The following OR52E6 variants were observed in gnomAD, a reference collection of about 807,000 sequenced individuals.
OR52E6 encodes the protein olfactory receptor 52E6.
For synonymous variants in OR52E6, 173 were observed against 137.3 expected (o/e 1.26, Z -1.82); for missense variants, 419 against 381.5 (o/e 1.10, Z -0.82).
chr11:5,841,050 AC>A lies in OR52E6; in HGVS notation c.847del (p.Val283LeufsTer9). On this transcript the variant is annotated frameshift_variant, in exon 1 of 1. Transcript: ENST00000329322. LOFTEE classifies it low-confidence loss of function (END_TRUNC). The part of the protein sequence containing the change: ...IHIFLANLYV[V>X]VPPTLNPVIY... ...TACAGGATTGAGGGTGGGAGGAACA[AC>A]CACATATAGATTAGCCAAGAAAATG... 3 of 1,613,850 alleles carry A rather than the reference AC, an allele frequency of 1.9e-6. No individual in the cohort carries two copies. The highest frequency in any genetic ancestry group is 2.5e-6 in the Non-Finnish European group (3 of 1,179,844).
rs1846609290 is a variant in OR52E6 at position 5,841,367 on chromosome 11, A to G, written c.531T>C (p.Pro177=). The change falls in exon 1 of 1, where the codon CCT becomes CCC. Residue 177 remains proline, a synonymous_variant. Transcript: ENST00000329322. Reference sequence around the variant, plus strand: ...TGCCCATGTGCTCACAGTAAGTATGAGGGATGATACGATGTCCACAGAAGG... The same window carrying G: ...TGCCCATGTGCTCACAGTAAGTATGGGGGATGATACGATGTCCACAGAAGG... The part of the protein sequence containing the change: ...RLPFCGHRII[P]HTYCEHMGIA... The G allele has an allele frequency of 1.2e-6, 2 of 1,614,176 alleles. No individual in the cohort carries two copies.
Position 5,841,701 on chromosome 11 carries a change from G to C in OR52E6, c.197C>G (p.Ala66Gly). ...SLHEPMYYCL[A>G]MLDSIDLSLS... Reference sequence around the variant, plus strand: ...GCTCAGGTCAATGGAATCCAACATGGCCAGGCAGTAGTACATGGGCTCATG... The same window carrying C: ...GCTCAGGTCAATGGAATCCAACATGCCCAGGCAGTAGTACATGGGCTCATG... Residue 66 changes from alanine (A) to glycine (G), a missense_variant, in exon 1 of 1, where the codon GCC becomes GGC. Transcript: ENST00000329322. The C allele has an allele frequency of 6.2e-7, 1 of 1,613,568 alleles. No homozygotes were observed.
At position 5,841,289 on chromosome 11, in the gene OR52E6, G is replaced by T. The variant is rs1330064197; in HGVS notation, c.609C>A (p.Gly203=). The T allele has an allele frequency of 6.2e-7, 1 of 1,614,100 alleles. No individual in the cohort carries two copies. Among genetic ancestry groups the T allele is most frequent in the Admixed American group, 1.7e-5 (1 of 59,982 alleles). ...SIKVNIMFGL[G]SISLLLLDVL... ...CATCCAATAACAAGAGAGAAATACT[G>T]CCAAGACCAAACATAATGTTGACTT... Residue 203 remains glycine, a synonymous_variant, in exon 1 of 1, where the codon GGC becomes GGA. Transcript: ENST00000329322.
Position 5,841,403 on chromosome 11 carries a change from G to A in OR52E6, c.495C>T (p.Leu165=), listed in dbSNP as rs370635171. Residue 165 remains leucine (L), a synonymous_variant, in exon 1 of 1, where the codon CTC becomes CTT. Coordinates refer to ENST00000329322, the MANE Select transcript of OR52E6 (RefSeq NM_001005167.2). ...LYMVIPLVFL[L]LRLPFCGHRI... ...GATGTCCACAGAAGGGCAACCTTAA[G>A]AGGAGAAACACCAGTGGAATGACCA... is the stretch of plus-strand genomic sequence containing the variant. The A allele has an allele frequency of 9.9e-6, 16 of 1,614,080 alleles. No individual in the cohort carries two copies. The highest frequency in any genetic ancestry group is 1.6e-4 in the Middle Eastern group (1 of 6,082).
At position 5,841,343 on chromosome 11, in the gene OR52E6, G is replaced by T; in HGVS notation, c.555C>A (p.Gly185=). The change falls in exon 1 of 1, where the codon GGC becomes GGA. Residue 185 remains glycine, a synonymous_variant. Coordinates refer to ENST00000329322, the MANE Select transcript of OR52E6 (RefSeq NM_001005167.2). The part of the protein sequence containing the change: ...IIPHTYCEHM[G]IARLACASIK... The stretch of plus-strand genomic sequence containing the variant: ...TGCTGGCACAGGCCAGACGGGCAAT[G>T]CCCATGTGCTCACAGTAAGTATGAG... 1 of 1,614,142 alleles carries T rather than the reference G, an allele frequency of 6.2e-7. No homozygotes were observed. Among genetic ancestry groups the T allele is most frequent in the Non-Finnish European group, 8.5e-7 (1 of 1,180,008 alleles).
Position 5,841,363 on chromosome 11 carries a change from T to G in OR52E6, c.535A>C (p.Thr179Pro), listed in dbSNP as rs1169029508. ...GCAATGCCCATGTGCTCACAGTAAG[T>G]ATGAGGGATGATACGATGTCCACAG... is the stretch of plus-strand genomic sequence containing the variant. ...PFCGHRIIPHTYCEHMGIARL... is the reference protein window; with the variant it reads ...PFCGHRIIPHPYCEHMGIARL... Residue 179 changes from threonine to proline, a missense_variant, in exon 1 of 1, where the codon ACT (threonine) becomes CCT (proline). Coordinates refer to ENST00000329322, the MANE Select transcript of OR52E6 (RefSeq NM_001005167.2). 3.7e-6 allele frequency: 6 copies of G among 1,613,856 alleles called. No homozygotes were observed. Among genetic ancestry groups the G allele is most frequent in the Non-Finnish European group, 5.1e-6 (6 of 1,179,992 alleles).
rs1444342084 is a variant in OR52E6, at chr11:5,841,721, C to T, written c.177G>A (p.Glu59=). Residue 59 remains glutamate (E), a synonymous_variant, in exon 1 of 1, where the codon GAG becomes GAA. Coordinates refer to ENST00000329322, the MANE Select transcript of OR52E6 (RefSeq NM_001005167.2). ...FVIQTEQSLH[E]PMYYCLAMLD... is the part of the protein sequence containing the mutation. The stretch of plus-strand genomic sequence containing the variant: ...ACATGGCCAGGCAGTAGTACATGGG[C>T]TCATGGAGACTCTGCTCAGTTTGGA... 1 of 1,613,572 alleles carries T rather than the reference C, an allele frequency of 6.2e-7. No individual in the cohort carries two copies. Among genetic ancestry groups the T allele is most frequent in the African/African-American group, 1.3e-5 (1 of 74,922 alleles).
chr11:5,841,064 A>G lies in OR52E6; in HGVS notation c.834T>C (p.Ala278=). ...DIPQYIHIFL[A]NLYVVVPPTL... ...TGGGAGGAACAACCACATATAGATT[A>G]GCCAAGAAAATGTGGATATATTGGG... Residue 278 remains alanine (A), a synonymous_variant, in exon 1 of 1, where the codon GCT becomes GCC. Coordinates refer to ENST00000329322, the MANE Select transcript of OR52E6 (RefSeq NM_001005167.2). The G allele has an allele frequency of 6.2e-7, 1 of 1,613,880 alleles. No homozygotes were observed. Among genetic ancestry groups the G allele is most frequent in the South Asian group, 1.1e-5 (1 of 91,050 alleles).
At position 5,841,666 on chromosome 11, in the gene OR52E6, C is replaced by T; in HGVS notation, c.232G>A (p.Ala78Thr). Reference sequence around the variant, plus strand: ...ATGCCCAGCATTTTGGGAATGGTGGCCGTAGACAAGCTCAGGTCAATGGAA... The same window carrying T: ...ATGCCCAGCATTTTGGGAATGGTGGTCGTAGACAAGCTCAGGTCAATGGAA... ...LDSIDLSLST[A>T]TIPKMLGIFW... Residue 78 changes from alanine (A) to threonine (T), a missense_variant, in exon 1 of 1, where the codon GCC becomes ACC. Coordinates refer to ENST00000329322, the MANE Select transcript of OR52E6 (RefSeq NM_001005167.2). 4.3e-6 allele frequency: 7 copies of T among 1,613,868 alleles called. No homozygotes were observed. Among genetic ancestry groups the T allele is most frequent in the Non-Finnish European group, 5.1e-6 (6 of 1,179,856 alleles).
rs1417613265 is a variant in OR52E6 at position 5,841,865 on chromosome 11, A to C, written c.33T>G (p.Thr11=). MPIANDTQFH[T]SSFLLLGIPG... ...GGATACCCAGCAGTAGGAATGAAGAAGTATGGAACTGGGTGTCGTTAGCTA... is the reference window on the plus strand; with the variant it reads ...GGATACCCAGCAGTAGGAATGAAGACGTATGGAACTGGGTGTCGTTAGCTA... Residue 11 remains threonine (T), a synonymous_variant, in exon 1 of 1, where the codon ACT becomes ACG. Transcript: ENST00000329322. 1 of 1,613,638 alleles carries C rather than the reference A, an allele frequency of 6.2e-7. No homozygotes were observed. The highest frequency in any genetic ancestry group is 1.7e-5 in the Admixed American group (1 of 59,974).
Position 5,841,140 on chromosome 11 carries a change from G to A in OR52E6, c.758C>T (p.Ser253Phe), listed in dbSNP as rs1564979520. Residue 253 changes from serine (S) to phenylalanine (F), a missense_variant, in exon 1 of 1, where the codon TCT (serine) becomes TTT (phenylalanine). Physicochemically the swap from Ser to Phe is radical, Grantham distance 155. Coordinates refer to ENST00000329322, the MANE Select transcript of OR52E6 (RefSeq NM_001005167.2). ...GSHIGVILAF[S>F]TPAFFSFFTH... ...AAAGAAAGAGAAAAATGCTGGTGTA[G>A]AAAAGGCTAAGATAACACCAATGTG... 5 of 1,613,694 alleles carry A rather than the reference G, an allele frequency of 3.1e-6. No homozygotes were observed. Among genetic ancestry groups the A allele is most frequent in the East Asian group, 2.2e-5 (1 of 44,838 alleles).
chr11:5,841,796 G>C lies in OR52E6; in HGVS notation c.102C>G (p.Phe34Leu). Residue 34 changes from phenylalanine (F) to leucine (L), a missense_variant, in exon 1 of 1, where the codon TTC becomes TTG. Phe to Leu is a conservative substitution (Grantham distance 22, BLOSUM62 0). Coordinates refer to ENST00000329322, the MANE Select transcript of OR52E6 (RefSeq NM_001005167.2). Reference protein sequence around the residue: ...DVHIWIGFPFFSVYLIALLGN... With the variant: ...DVHIWIGFPFLSVYLIALLGN... The stretch of plus-strand genomic sequence containing the variant: ...CCAGGAGTGCAATAAGATACACAGA[G>C]AAAAAAGGGAATCCAATCCAGATGT... 10 of 1,613,446 alleles carry C rather than the reference G, an allele frequency of 6.2e-6. No homozygotes were observed. The highest frequency in any genetic ancestry group is 7.6e-6 in the Non-Finnish European group (9 of 1,179,694).
chr11:5,841,124 G>C lies in OR52E6; in HGVS notation c.774C>G (p.Phe258Leu). Residue 258 changes from phenylalanine to leucine, a missense_variant, in exon 1 of 1, where the codon TTC becomes TTG. Physicochemically the swap from Phe to Leu is conservative, Grantham distance 22. Coordinates refer to ENST00000329322, the MANE Select transcript of OR52E6 (RefSeq NM_001005167.2). The part of the protein sequence containing the change: ...VILAFSTPAF[F>L]SFFTHCFGHD... Reference sequence around the variant, plus strand: ...GGCCAAAGCAGTGTGTAAAGAAAGAGAAAAATGCTGGTGTAGAAAAGGCTA... The same window carrying C: ...GGCCAAAGCAGTGTGTAAAGAAAGACAAAAATGCTGGTGTAGAAAAGGCTA... The C allele has an allele frequency of 1.2e-6, 2 of 1,613,658 alleles. No individual in the cohort carries two copies. Among genetic ancestry groups the C allele is most frequent in the Non-Finnish European group, 8.5e-7 (1 of 1,179,874 alleles).
chr11:5,841,081 T>C lies in OR52E6; in HGVS notation c.817A>G (p.Ile273Val), dbSNP rs377292623. The C allele has an allele frequency of 6.2e-6, 10 of 1,613,950 alleles. No homozygotes were observed. The highest frequency in any genetic ancestry group is 8.5e-6 in the Non-Finnish European group (10 of 1,179,916). Reference sequence around the variant, plus strand: ...TATAGATTAGCCAAGAAAATGTGGATATATTGGGGAATATCATGGCCAAAG... The same window carrying C: ...TATAGATTAGCCAAGAAAATGTGGACATATTGGGGAATATCATGGCCAAAG... ...HCFGHDIPQY[I>V]HIFLANLYVV... The change falls in exon 1 of 1, where the codon ATC becomes GTC. Residue 273 changes from isoleucine (I) to valine (V), a missense_variant. Coordinates refer to ENST00000329322, the MANE Select transcript of OR52E6 (RefSeq NM_001005167.2).
Position 5,841,500 on chromosome 11 carries a change from C to G in OR52E6, c.398G>C (p.Trp133Ser). ...TTTGCTGGTGAGGATCATGGTGTAC[C>G]AAAGAGGTTTGCAAATGGCAATGTA... ...DRYIAICKPL[W>S]YTMILTSKII... is the part of the protein sequence containing the mutation. The change falls in exon 1 of 1, where the codon TGG becomes TCG. Residue 133 changes from tryptophan (W) to serine (S), a missense_variant. Coordinates refer to ENST00000329322, the MANE Select transcript of OR52E6 (RefSeq NM_001005167.2). 6.2e-7 allele frequency: 1 copy of G among 1,613,996 alleles called. No individual in the cohort carries two copies. Among genetic ancestry groups the G allele is most frequent in the Non-Finnish European group, 8.5e-7 (1 of 1,179,978 alleles).
Position 5,841,051 on chromosome 11 carries a change from C to T in OR52E6, c.847G>A (p.Val283Ile), listed in dbSNP as rs900100101. The T allele has an allele frequency of 1.9e-6, 3 of 1,613,590 alleles. No individual in the cohort carries two copies. Among genetic ancestry groups the T allele is most frequent in the Admixed American group, 1.7e-5 (1 of 59,936 alleles). ...IHIFLANLYV[V>I]VPPTLNPVIY... ...ACAGGATTGAGGGTGGGAGGAACAA[C>T]CACATATAGATTAGCCAAGAAAATG... is the stretch of plus-strand genomic sequence containing the variant. The change falls in exon 1 of 1, where the codon GTT becomes ATT. Residue 283 changes from valine to isoleucine, a missense_variant. By Grantham distance (29) the Val-to-Ile change is conservative. Coordinates refer to ENST00000329322, the MANE Select transcript of OR52E6 (RefSeq NM_001005167.2).
In OR52E6 at chr11:5,841,717, T is replaced by A; in HGVS notation, c.181A>T (p.Met61Leu). The A allele has an allele frequency of 1.9e-6, 3 of 1,613,730 alleles. No homozygotes were observed. Among genetic ancestry groups the A allele is most frequent in the Non-Finnish European group, 2.5e-6 (3 of 1,179,782 alleles). ...IQTEQSLHEP[M>L]YYCLAMLDSI... is the part of the protein sequence containing the mutation. ...TCCAACATGGCCAGGCAGTAGTACA[T>A]GGGCTCATGGAGACTCTGCTCAGTT... Residue 61 changes from methionine to leucine, a missense_variant, in exon 1 of 1, where the codon ATG becomes TTG. Coordinates refer to ENST00000329322, the MANE Select transcript of OR52E6 (RefSeq NM_001005167.2).
chr11:5,841,462 T>C lies in OR52E6; in HGVS notation c.436A>G (p.Ile146Val), dbSNP rs1452897914. The change falls in exon 1 of 1, where the codon ATT becomes GTT. Residue 146 changes from isoleucine (I) to valine (V), a missense_variant. Coordinates refer to ENST00000329322, the MANE Select transcript of OR52E6 (RefSeq NM_001005167.2). ...CTCCTCAGGACAGCAATGCCTGCAA[T>C]GAGGCTGATGATTTTGCTGGTGAGG... The part of the protein sequence containing the change: ...MILTSKIISL[I>V]AGIAVLRSLY... The C allele has an allele frequency of 5.6e-6, 9 of 1,614,106 alleles. No homozygotes were observed. The highest frequency in any genetic ancestry group is 7.6e-6 in the Non-Finnish European group (9 of 1,179,994).
At position 5,841,661 on chromosome 11, in the gene OR52E6, G is replaced by A; in HGVS notation, c.237C>T (p.Thr79=). The change falls in exon 1 of 1, where the codon ACC becomes ACT. Residue 79 remains threonine (T), a synonymous_variant. Coordinates refer to ENST00000329322, the MANE Select transcript of OR52E6 (RefSeq NM_001005167.2). The part of the protein sequence containing the change: ...DSIDLSLSTA[T]IPKMLGIFWF... ...AGAAGATGCCCAGCATTTTGGGAAT[G>A]GTGGCCGTAGACAAGCTCAGGTCAA... is the stretch of plus-strand genomic sequence containing the variant. 4 of 1,614,030 alleles carry A rather than the reference G, an allele frequency of 2.5e-6. No individual in the cohort carries two copies. The South Asian group carries it at 4.4e-5, about 18-fold the overall frequency.
Sources: allele counts gnomAD v4.1 joint callset, GRCh38; gene constraint gnomAD v4.1.1; transcripts MANE v1.5; gene names NCBI Gene and HGNC (gene_info 2026-07-23, HGNC 2026-07-21).